CLVS1: variants seen among roughly 807,000 people sequenced by gnomAD.
CLVS1 encodes clavesin-1.
CLVS1 carries 10 observed loss-of-function variants against 33.1 expected under a neutral mutation model. That is an observed-to-expected ratio of 0.30 (90% CI 0.19 to 0.51). The LOEUF (loss-of-function observed/expected upper bound fraction) is 0.51. Among genes scored for constraint, CLVS1 ranks in the 20% least tolerant of loss-of-function variants. The pLI is 0.97. For synonymous variants in CLVS1, 163 were observed against 166.1 expected, an observed-to-expected ratio of 0.98 and a Z score of 0.14; for missense variants, 343 against 433.4, an observed-to-expected ratio of 0.79 and a Z score of 1.85.
At chr8:61,072,167 G>T (rs948184014) in intron 1 of CLVS1, among the ~76,000 whole-genome samples, 9 of 152,192 alleles carry the variant, frequency 5.9e-5, no homozygotes, top group Non-Finnish European at 1.2e-4. Context: ...AGCTTTCCTG[G>T]CTCCTCCTTT....
chr8:61,427,348 A>G (rs923354011), intron 3 of CLVS1, among the ~76,000 whole-genome samples: 1 of 152,028 alleles, frequency 6.6e-6, no homozygotes, highest in African/African-American at 2.4e-5. Flanking sequence ...TAGCCTTGCT[A>G]GCTTCCTTTA....
intron 3 of CLVS1, among the ~76,000 whole-genome samples, chr8:61,441,914 C>T (rs1262793386): frequency 2.0e-5 from 3 of 152,198 alleles, no homozygotes; most frequent in African/African-American, 7.2e-5. Context: ...ACTGAATGTA[C>T]TGAAATGTAT....
chr8:61,475,624 T>A (rs1433487575), intron 5 of CLVS1, among the ~76,000 whole-genome samples: 1 of 152,240 alleles, frequency 6.6e-6, no homozygotes, highest in East Asian at 1.9e-4. Context: ...ATATCCTTTG[T>A]CCACTTTTTG....
At chr8:61,462,978 T>A (rs1490163716) in intron 5 of CLVS1, among the ~76,000 whole-genome samples, 1 of 152,212 alleles carries the variant, frequency 6.6e-6, no homozygotes, top group African/African-American at 2.4e-5. Flanking sequence ...ATTCTTCCAA[T>A]AGAAGGCTGT....
chr8:61,293,495 G>A (rs1563481073), intron 1 of CLVS1, among the ~76,000 whole-genome samples: 1 of 152,110 alleles, frequency 6.6e-6, no homozygotes, highest in Admixed American at 6.5e-5. Context: ...AGGCTAAATA[G>A]GCTGTAAGGG....
intron 1 of CLVS1, among the ~76,000 whole-genome samples, chr8:61,088,487 CAAAA>C (rs59394782): frequency 9.5e-6 from 1 of 105,320 alleles, no homozygotes; most frequent in African/African-American, 3.1e-5. Context: ...GAGACTGTCT[CAAAA>C]AAAAAAAAAA....
At chr8:61,099,518 A>G (rs1805410490) in intron 1 of CLVS1, among the ~76,000 whole-genome samples, 4 of 152,238 alleles carry the variant, frequency 2.6e-5, no homozygotes, top group Admixed American at 2.0e-4. Flanking sequence ...AGTATAAACA[A>G]GTGAACAAAT....
At chr8:61,020,271 T>A in the CLVS1 span, among the ~76,000 whole-genome samples, 2 of 152,240 alleles carry the variant, frequency 1.3e-5, no homozygotes, top group Non-Finnish European at 2.9e-5. Flanking sequence ...GTAGCCTCAG[T>A]TCTACTTGGA....
At chr8:61,087,193 G>T (rs1263198487) in intron 1 of CLVS1, among the ~76,000 whole-genome samples, 7 of 152,230 alleles carry the variant, frequency 4.6e-5, no homozygotes, top group African/African-American at 1.7e-4. Context: ...TTCCTGTGGA[G>T]CAGATGTGGA....
rs570281644 is a variant in CLVS1 at position 61,484,356 on chromosome 8, G to A, written c.978-15099G>A. On this transcript the variant is annotated intron_variant, in intron 5 of 5. Transcript: ENST00000325897. ...CTCCCATTCACAATTGCTTCAAAGA[G>A]AATAAAATACCTAGGAATCCAACTT... Among the ~76,000 whole-genome samples, 38 of 152,158 alleles carry A rather than the reference G, an allele frequency of 2.5e-4. No homozygotes were observed. The East Asian group carries it at 4.2e-3, about 17-fold the overall frequency.
At chr8:61,497,363 T>C (rs1406589629) in intron 5 of CLVS1, among the ~76,000 whole-genome samples, 1 of 148,432 alleles carries the variant, frequency 6.7e-6, no homozygotes, top group East Asian at 2.1e-4. Context: ...TTAATTCTCT[T>C]AGCAATGATG....
At chr8:61,473,341 T>TAAAAAAAAAA (rs58281654) in intron 5 of CLVS1, among the ~76,000 whole-genome samples, 2 of 96,210 alleles carry the variant, frequency 2.1e-5, no homozygotes, top group Admixed American at 1.2e-4. Flanking sequence ...TCACGGAATT[T>TAAAAAAAAAA]AAAAAAAAAA....
chr8:61,132,726 C>T (rs1806123940), intron 2 of CLVS1, among the ~76,000 whole-genome samples: 1 of 152,158 alleles, frequency 6.6e-6, no homozygotes, highest in Non-Finnish European at 1.5e-5. Context: ...AAGCGGGATG[C>T]AGGGCCCAGT....
rs190001578 is a variant in CLVS1, at chr8:61,144,950, C to T, written c.-152+13090C>T. Among the ~76,000 whole-genome samples, 184 of 152,290 alleles carry T rather than the reference C, an allele frequency of 1.2e-3. 2 individuals carry two copies. Among genetic ancestry groups the T allele is most frequent in the African/African-American group, 4.4e-3 (182 of 41,562 alleles). On this transcript the variant is annotated intron_variant, in intron 2 of 2. Transcript: ENST00000522621. The stretch of plus-strand genomic sequence containing the variant: ...TTCACCATGTTGGTCAGGCAGGTCT[C>T]GAACTCCTGACCTCAGGTGATCCAT...
chr8:61,065,659 A>G (rs763055180), intron 1 of CLVS1, among the ~76,000 whole-genome samples: 9 of 152,198 alleles, frequency 5.9e-5, no homozygotes, highest in Admixed American at 1.3e-4. Context: ...TATTTTAACT[A>G]GAGTATATTT....
chr8:61,313,184 G>A (rs576340725), intron 2 of CLVS1, among the ~76,000 whole-genome samples: 1 of 152,274 alleles, frequency 6.6e-6, no homozygotes, highest in East Asian at 1.9e-4. Context: ...GACCTCAGAG[G>A]AATCATCCTG....
chr8:61,398,181 C>CTTT (rs545959573), intron 3 of CLVS1, among the ~76,000 whole-genome samples: 83 of 125,912 alleles, frequency 6.6e-4, no homozygotes, highest in African/African-American at 2.4e-3. Context: ...ATAAGCTTTA[C>CTTT]TTTTTTTTTT....
At chr8:61,468,066 A>C (rs936875874) in intron 5 of CLVS1, among the ~76,000 whole-genome samples, 2 of 151,578 alleles carry the variant, frequency 1.3e-5, no homozygotes, top group Non-Finnish European at 1.5e-5. Flanking sequence ...AACATATTTT[A>C]GATTTAATTT....
At chr8:61,333,433 C>A (rs775705831) in intron 2 of CLVS1, among the ~76,000 whole-genome samples, 1 of 151,990 alleles carries the variant, frequency 6.6e-6, no homozygotes, top group Non-Finnish European at 1.5e-5. Flanking sequence ...ATAACTGCAG[C>A]CTGCAGGAAA....
Sources: gnomAD v4.1 joint callset for allele counts (sites outside exome capture counted in the v4.1 genomes callset) on GRCh38, gnomAD v4.1.1 for gene constraint, MANE v1.5 for transcripts, NCBI Gene and HGNC (gene_info 2026-07-23, HGNC 2026-07-21) for gene names.